LRRC37A2: variants seen among roughly 807,000 people sequenced by gnomAD.
LRRC37A2 encodes the protein leucine-rich repeat-containing protein 37A2.
Under a neutral mutation model 68.8 loss-of-function variants are expected in LRRC37A2, and 9 were observed. The ratio of observed to expected loss-of-function variants is 0.13; its 90% CI spans 0.08 to 0.23. LRRC37A2 has a LOEUF of 0.23. Among genes scored for constraint, LRRC37A2 ranks in the 10% least tolerant of loss-of-function variants. LRRC37A2 has a pLI of 1.00. For missense variants in LRRC37A2, 168 were observed against 950.4 expected (o/e 0.18, Z 10.82); for synonymous variants, 63 against 367.6 (o/e 0.17, Z 9.48).
chr17:46,755,935 T>A, the LRRC37A2 span: 1 of 1,010,478 alleles, frequency 9.9e-7, no homozygotes, highest in Admixed American at 2.2e-5. Context: ...GTTCTCTACC[T>A]TCAACATGTG....
chr17:46,476,511 T>G, the LRRC37A2 span, among the ~76,000 whole-genome samples: 1 of 91,666 alleles, frequency 1.1e-5, no homozygotes, highest in Admixed American at 1.0e-4. Flanking sequence ...GTGAAACCCC[T>G]TCTCTACTAA....
the LRRC37A2 span, among the ~76,000 whole-genome samples, chr17:47,001,997 C>T: frequency 1.3e-5 from 2 of 152,140 alleles, no homozygotes; most frequent in Admixed American, 6.5e-5. Context: ...CCTCGGCCCC[C>T]CAAAGTGCTG....
the LRRC37A2 span, among the ~76,000 whole-genome samples, chr17:46,904,000 A>G: frequency 6.8e-6 from 1 of 147,388 alleles, no homozygotes; most frequent in African/African-American, 2.5e-5. Flanking sequence ...GGCTAGGTGG[A>G]TGAGTGGCTG....
chr17:47,027,702 G>C, the LRRC37A2 span: 1 of 753,276 alleles, frequency 1.3e-6, no homozygotes, highest in Non-Finnish European at 2.2e-6. Flanking sequence ...TGCTATTCTT[G>C]AAATATAATT....
the LRRC37A2 span, chr17:46,979,107 C>T: frequency 8.5e-7 from 1 of 1,180,114 alleles, no homozygotes; most frequent in Non-Finnish European, 1.1e-6. Context: ...CTCGGACCGG[C>T]TCCTGCGGTA....
the LRRC37A2 span, among the ~76,000 whole-genome samples, chr17:46,914,203 C>T: frequency 3.3e-5 from 5 of 152,222 alleles, no homozygotes; most frequent in East Asian, 1.9e-4. Context: ...CTGGCCCCAA[C>T]GGTGCAAGGT....
the LRRC37A2 span, among the ~76,000 whole-genome samples, chr17:46,848,932 G>GCACACA: frequency 4.2e-4 from 61 of 146,280 alleles, no homozygotes; most frequent in East Asian, 3.5e-3. Flanking sequence ...GTGTGCACGT[G>GCACACA]CACACACACA....
chr17:46,860,179 A>C, the LRRC37A2 span, among the ~76,000 whole-genome samples: 1 of 152,056 alleles, frequency 6.6e-6, no homozygotes, highest in African/African-American at 2.4e-5. Flanking sequence ...TTGGGCTGAG[A>C]GTCATCCTAG....
chr17:46,911,925 A>G, the LRRC37A2 span, among the ~76,000 whole-genome samples: 1 of 152,156 alleles, frequency 6.6e-6, no homozygotes, highest in East Asian at 1.9e-4. Flanking sequence ...ATACCTGGAT[A>G]TGAGGAGCTC....
the LRRC37A2 span, among the ~76,000 whole-genome samples, chr17:46,709,193 C>G: frequency 6.6e-6 from 1 of 152,040 alleles, no homozygotes; most frequent in Admixed American, 6.6e-5. Flanking sequence ...ATTTGGTTAG[C>G]CCTGTCTTTT....
At chr17:46,805,296 G>A in the LRRC37A2 span, among the ~76,000 whole-genome samples, 1 of 152,008 alleles carries the variant, frequency 6.6e-6, no homozygotes, top group Non-Finnish European at 1.5e-5. Context: ...AAAAAGGCTG[G>A]GCACAGTGGC....
chr17:46,816,137 A>ACACG, the LRRC37A2 span, among the ~76,000 whole-genome samples: 7 of 43,500 alleles, frequency 1.6e-4, no homozygotes, highest in Middle Eastern at 9.4e-3. Context: ...ACACTCACAC[A>ACACG]CACGCACGCA....
chr17:47,016,258 A>G, the LRRC37A2 span, among the ~76,000 whole-genome samples: 7 of 151,548 alleles, frequency 4.6e-5, no homozygotes, highest in Non-Finnish European at 8.8e-5. Flanking sequence ...TTCAATTTTA[A>G]AGCCATCACT....
the LRRC37A2 span, among the ~76,000 whole-genome samples, chr17:46,997,827 G>A: frequency 3.9e-5 from 6 of 152,122 alleles, no homozygotes; most frequent in African/African-American, 9.6e-5. Context: ...AAAATTTGCC[G>A]GGCATGGTGG....
chr17:46,497,493 C>T, the LRRC37A2 span, among the ~76,000 whole-genome samples: 7 of 138,764 alleles, frequency 5.0e-5, no homozygotes, highest in Admixed American at 4.4e-4. Context: ...AAATATATAC[C>T]TAACCTACCT....
At chr17:46,953,350 A>G in the LRRC37A2 span, among the ~76,000 whole-genome samples, 3 of 152,182 alleles carry the variant, frequency 2.0e-5, no homozygotes, top group African/African-American at 7.2e-5. Context: ...TTCCAGCTTC[A>G]TCCATGTCCC....
chr17:46,852,759 T>C, the LRRC37A2 span, among the ~76,000 whole-genome samples: 1 of 152,046 alleles, frequency 6.6e-6, no homozygotes, highest in East Asian at 1.9e-4. Flanking sequence ...ACAGTCTGAG[T>C]ATATACAGCA....
chr17:46,943,197 G>A, the LRRC37A2 span, among the ~76,000 whole-genome samples: 1 of 152,082 alleles, frequency 6.6e-6, no homozygotes, highest in South Asian at 2.1e-4. Context: ...CACTTGCAGA[G>A]ACCAACTAGG....
the LRRC37A2 span, among the ~76,000 whole-genome samples, chr17:47,012,047 A>ACC: frequency 2.6e-5 from 4 of 152,184 alleles, no homozygotes; most frequent in Non-Finnish European, 5.9e-5. Context: ...CAGGCTTCCC[A>ACC]CCACCTCAGA....
Sources: gnomAD v4.1 joint callset for allele counts (sites outside exome capture counted in the v4.1 genomes callset) on GRCh38, gnomAD v4.1.1 for gene constraint, MANE v1.5 for transcripts, NCBI Gene and HGNC (gene_info 2026-07-23, HGNC 2026-07-21) for gene names.